AP3D1: variants seen among roughly 807,000 people sequenced by gnomAD.
AP3D1 encodes adaptor related protein complex 3 subunit delta 1, also known as AP-3 complex subunit delta-1.
Under a neutral mutation model 147.6 loss-of-function variants are expected in AP3D1, and 51 were observed. The observed-to-expected ratio is 0.35, with a 90% CI of 0.28 to 0.44. The LOEUF is 0.44. Among genes scored for constraint, AP3D1 ranks in the 20% least tolerant of loss-of-function variants. AP3D1 has a pLI of 1.00. For synonymous variants in AP3D1, 760 were observed against 663.0 expected (o/e 1.15, Z -2.25); for missense variants, 1,421 against 1,624.2 (o/e 0.87, Z 2.15).
rs1244959272 is a variant in AP3D1 at position 2,132,495 on chromosome 19, G to A, written c.438C>T (p.Asp146=). 3 of 1,608,562 alleles carry A rather than the reference G, an allele frequency of 1.9e-6. No homozygotes were observed. The highest frequency in any genetic ancestry group is 2.2e-5 in the East Asian group (1 of 44,656). Residue 146 remains aspartate, a synonymous_variant, in exon 5 of 32, where the codon GAC becomes GAT. Coordinates refer to ENST00000643116, the MANE Select transcript of AP3D1 (RefSeq NM_001261826.3). ...SCFVTPDLAR[D]LANDIMTLMS... ...CCAGTGTCATGATGTCATTTGCCAG[G>A]TCTCTGGCAAGGTCTGGGGTGACGA...
intron 1 of AP3D1, among the ~76,000 whole-genome samples, chr19:2,150,225 G>A (rs1203595513): frequency 6.6e-6 from 1 of 152,218 alleles, no homozygotes; most frequent in Non-Finnish European, 1.5e-5. Flanking sequence ...ACTGGGACTG[G>A]TGCGGTATCA....
chr19:2,130,473 T>C lies in AP3D1; in HGVS notation c.527A>G (p.Lys176Arg), dbSNP rs942098225. 1.2e-6 allele frequency: 2 copies of C among 1,614,094 alleles called. No individual in the cohort carries two copies. The highest frequency in any genetic ancestry group is 1.7e-6 in the Non-Finnish European group (2 of 1,180,026). Residue 176 changes from lysine to arginine, a missense_variant, in exon 6 of 32, where the codon AAG (lysine) becomes AGG (arginine). Physicochemically the swap from Lys to Arg is conservative, Grantham distance 26 (BLOSUM62 2). Around this residue, in one of 6 missense-constraint regions of AP3D1, gnomAD observed 292 missense variants for 412.0 expected, o/e 0.71. Coordinates refer to ENST00000643116, the MANE Select transcript of AP3D1 (RefSeq NM_001261826.3). The stretch of plus-strand genomic sequence containing the variant: ...GGCAGGGCGCAGCGACTCGGGGTAC[T>C]TCAGGAACACCTTGTACATGATCAG... ...AVLIMYKVFL[K>R]YPESLRPAFP...
intron 5 of AP3D1, among the ~76,000 whole-genome samples, chr19:2,131,218 C>T (rs1020640338): frequency 2.6e-5 from 4 of 152,276 alleles, no homozygotes; most frequent in African/African-American, 9.6e-5. Context: ...AGAAGCTTAG[C>T]AGGCTGTGCT....
In AP3D1 at chr19:2,147,179, T is replaced by A. The variant is rs187184854; in HGVS notation, c.96+4060A>T. ...GACCAACATGGAGAAACCCCGTCTC[T>A]ACTAAAAATACAAAAAATTAGCCGG... On this transcript the variant is annotated intron_variant, in intron 1 of 31. Transcript: ENST00000643116. 9.9e-5 allele frequency among the ~76,000 whole-genome samples: 15 copies of A among 152,124 alleles called. No homozygotes were observed. The East Asian group carries it at 2.5e-3, about 25-fold the overall frequency.
At position 2,114,841 on chromosome 19, in the gene AP3D1, C is replaced by A; in HGVS notation, c.2350-20G>T. On this transcript the variant is annotated intron_variant, in intron 20 of 31. Coordinates refer to ENST00000643116, the MANE Select transcript of AP3D1 (RefSeq NM_001261826.3). ...AGCATTCTGACAGGAAGAGAGGAAC[C>A]CCATCACTGGAACCCGCCCTTGTGG... The A allele has an allele frequency of 6.2e-7, 1 of 1,613,680 alleles. No individual in the cohort carries two copies. The highest frequency in any genetic ancestry group is 8.5e-7 in the Non-Finnish European group (1 of 1,179,700).
At chr19:2,138,189 G>A (rs533744684) in intron 2 of AP3D1, among the ~76,000 whole-genome samples, 5 of 152,306 alleles carry the variant, frequency 3.3e-5, no homozygotes, top group South Asian at 2.1e-4. Context: ...ACGGGGAAAC[G>A]GGCCAGAGGG....
At chr19:2,105,711 C>A (rs575926087) in intron 31 of AP3D1, among the ~76,000 whole-genome samples, 30 of 152,186 alleles carry the variant, frequency 2.0e-4, no homozygotes, top group Non-Finnish European at 3.4e-4. Context: ...GGGTTAGGGT[C>A]TCCCTGACCA....
At chr19:2,144,295 C>T (rs1476820074) in intron 1 of AP3D1, among the ~76,000 whole-genome samples, 1 of 152,146 alleles carries the variant, frequency 6.6e-6, no homozygotes, top group African/African-American at 2.4e-5. Context: ...TTCAACAGCC[C>T]GGGACACCGT....
chr19:2,120,620 C>G (rs2018582298), intron 14 of AP3D1, among the ~76,000 whole-genome samples: 1 of 152,230 alleles, frequency 6.6e-6, no homozygotes, highest in Non-Finnish European at 1.5e-5. Flanking sequence ...CTACAATCTC[C>G]TGGGAACGCC....
chr19:2,164,279 T>A, intron 1 of AP3D1: 1 of 1,249,038 alleles, frequency 8.0e-7, no homozygotes. Flanking sequence ...AGTGCCGCCC[T>A]CCACCGTCCC....
chr19:2,153,584 G>A (rs1468610868), upstream of AP3D1, among the ~76,000 whole-genome samples: 2 of 151,258 alleles, frequency 1.3e-5, no homozygotes, highest in East Asian at 3.9e-4. Context: ...GCTGAGGCAG[G>A]AGAATGGCTC....
intron 9 of AP3D1, 49 bp downstream of exon 9, chr19:2,127,103 C>A (rs775423171): frequency 1.2e-6 from 2 of 1,603,442 alleles, no homozygotes; most frequent in South Asian, 2.2e-5. Flanking sequence ...CCTGAGACCC[C>A]AGCCTGGCAG....
chr19:2,111,507 G>A (rs568385052), intron 25 of AP3D1, 172 bp downstream of exon 25: 46 of 1,194,664 alleles, frequency 3.9e-5, no homozygotes, highest in East Asian at 1.0e-4. Flanking sequence ...AGCCCACCAC[G>A]GGGGTGCCTA....
chr19:2,130,335 C>T (rs1400584020), intron 6 of AP3D1, 73 bp downstream of exon 6: 50 of 1,597,864 alleles, frequency 3.1e-5, no homozygotes, highest in Middle Eastern at 3.4e-4. Context: ...CCCCAAAACA[C>T]GCCACCACCT....
chr19:2,161,998 C>T (rs181449026), intron 1 of AP3D1, among the ~76,000 whole-genome samples: 188 of 150,224 alleles, frequency 1.3e-3, no homozygotes, highest in African/African-American at 4.2e-3. Context: ...ATAGCAGGAC[C>T]GCATCTTTCC....
intron 2 of AP3D1, 143 bp from the exon 3 acceptor site, chr19:2,137,950 T>G (rs1599484932): frequency 1.3e-4 from 58 of 454,038 alleles, no homozygotes; most frequent in East Asian, 2.5e-4. Context: ...TACGTACCCC[T>G]GGGGCCTTTA....
intron 1 of AP3D1, among the ~76,000 whole-genome samples, chr19:2,156,881 AAAAC>A (rs996206183): frequency 6.9e-4 from 100 of 144,244 alleles, no homozygotes; most frequent in Non-Finnish European, 1.2e-3. Context: ...AACTAAACAA[AAAAC>A]AAACAGCCAC....
rs1163009941 is a variant in AP3D1, at chr19:2,112,934, T to C, written c.2713A>G (p.Lys905Glu). Residue 905 changes from lysine (K) to glutamate (E), a missense_variant, in exon 24 of 32, where the codon AAG becomes GAG. Lys to Glu is a moderately conservative substitution (Grantham distance 56). Transcript: ENST00000643116. ...GTCTTGGCGTCCTCACACTCGTCCT[T>C]CGGGGTAGTGACAGTGTTCACACTG... ...ELSVNTVTTP[K>E]DECEDAKTEA... 3 of 1,613,124 alleles carry C rather than the reference T, an allele frequency of 1.9e-6. No individual in the cohort carries two copies. The highest frequency in any genetic ancestry group is 1.7e-4 in the Middle Eastern group (1 of 6,060).
At chr19:2,147,965 C>T (rs532271549) in intron 1 of AP3D1, among the ~76,000 whole-genome samples, 120 of 151,378 alleles carry the variant, frequency 7.9e-4, no homozygotes, top group Admixed American at 3.9e-3. Flanking sequence ...GGGAGGATCA[C>T]GAGGACAGGA....
Sources: allele counts gnomAD v4.1 joint callset (sites outside exome capture counted in the v4.1 genomes callset), GRCh38; gene constraint gnomAD v4.1.1; regional missense constraint gnomAD v4.1.1; transcripts MANE v1.5; gene names NCBI Gene and HGNC (gene_info 2026-07-23, HGNC 2026-07-21).